ZNF831: variants seen among roughly 807,000 people sequenced by gnomAD.
ZNF831 encodes zinc finger protein 831, also known as chromosome 20 open reading frame 174.
Under a neutral mutation model 95.8 loss-of-function variants are expected in ZNF831, and 59 were observed. That is an observed-to-expected ratio of 0.62 (90% CI 0.50 to 0.77). The LOEUF (loss-of-function observed/expected upper bound fraction) is 0.77, where lower values mean the gene tolerates loss of function less well. ZNF831 is among the 30% of genes least tolerant of loss of function. The probability of loss-of-function intolerance (pLI) is 0.00; values close to 1 mark genes in which losing one functional copy is unlikely to be tolerated. For synonymous variants in ZNF831, 961 were observed against 925.5 expected (o/e 1.04, Z -0.70); for missense variants, 2,205 against 2,164.0 (o/e 1.02, Z -0.38).
rs753778394 is a variant in ZNF831, at chr20:59,191,165, C to T, written c.146C>T (p.Ala49Val). The T allele has an allele frequency of 6.1e-5, 97 of 1,598,856 alleles. No individual in the cohort carries two copies. Among genetic ancestry groups the T allele is most frequent in the Non-Finnish European group, 7.8e-5 (92 of 1,176,476 alleles). ...PVLLPPEQGLAPPTVFLKALP... is the reference protein window; with the variant it reads ...PVLLPPEQGLVPPTVFLKALP... ...CTTCTGCCGCCAGAGCAGGGCCTGG[C>T]CCCCCCCACTGTGTTCCTGAAGGCC... Residue 49 changes from alanine (A) to valine (V), a missense_variant, in exon 2 of 6, where the codon GCC (alanine) becomes GTC (valine). Coordinates refer to ENST00000371030, the MANE Select transcript of ZNF831 (RefSeq NM_178457.3).
intron 2 of ZNF831, among the ~76,000 whole-genome samples, chr20:59,195,565 G>A (rs1037767384): frequency 5.9e-5 from 9 of 152,088 alleles, no homozygotes; most frequent in Non-Finnish European, 1.0e-4. Context: ...GGGGGCTCCC[G>A]GGGAGGTGGA....
intron 2 of ZNF831, 54 bp downstream of exon 2, chr20:59,194,811 C>G (rs554496997): frequency 3.3e-6 from 5 of 1,494,226 alleles, no homozygotes; most frequent in East Asian, 4.7e-5. Flanking sequence ...GTTGTTATCC[C>G]GTAAGACCTC....
chr20:59,217,162 C>CTGTGTGTGTGTG lies in ZNF831; in HGVS notation c.4027+10128_4027+10139dup, dbSNP rs201079519. ...GAGTACATCTGACAGATCTTCATCT[C>CTGTGTGTGTGTG]TGTGTGTGTGTGTGTGTGTGTGTGT... On this transcript the variant is annotated intron_variant, in intron 4 of 5. Transcript: ENST00000371030. The surrounding 1 kb of genome is among the most constrained non-coding windows in gnomAD (Gnocchi z 4.4). 0.037 allele frequency among the ~76,000 whole-genome samples: 5,524 copies of CTGTGTGTGTGTG among 148,696 alleles called. 264 individuals are homozygous for CTGTGTGTGTGTG. The highest frequency in any genetic ancestry group is 0.11 in the African/African-American group (4,280 of 40,234).
upstream of ZNF831, among the ~76,000 whole-genome samples, chr20:59,163,016 TG>T (rs1222748832): frequency 0.015 from 1,309 of 89,450 alleles, 14 homozygotes; most frequent in African/African-American, 0.049. Context: ...TATTCCTAGG[TG>T]TGTGTGTGTG....
At position 59,177,198 on chromosome 20, in the gene ZNF831, G is replaced by A. The variant is rs549891449; in HGVS notation, c.-37+12991G>A. 2.6e-5 allele frequency among the ~76,000 whole-genome samples: 4 copies of A among 152,264 alleles called. No homozygotes were observed. The South Asian group carries it at 6.2e-4, about 24-fold the overall frequency. On this transcript the variant is annotated intron_variant, in intron 1 of 5. Coordinates refer to ENST00000371030, the MANE Select transcript of ZNF831 (RefSeq NM_178457.3). Reference sequence around the variant, plus strand: ...AGTCACAGCAGTAATCAAGACAGGCGTCTTGTCATTTAATTAAGCATGGCA... The same window carrying A: ...AGTCACAGCAGTAATCAAGACAGGCATCTTGTCATTTAATTAAGCATGGCA...
intron 4 of ZNF831, among the ~76,000 whole-genome samples, chr20:59,235,275 C>T (rs943434509): frequency 4.6e-5 from 7 of 152,152 alleles, no homozygotes; most frequent in Non-Finnish European, 7.3e-5. Context: ...TGACCTCGAG[C>T]ACCCGGCCAC....
chr20:59,256,270 GCTT>G lies in ZNF831; in HGVS notation c.*1529_*1531del, dbSNP rs1341528937. The G allele has an allele frequency of 2.6e-5, 4 of 152,318 alleles. No homozygotes were observed. The East Asian group carries it at 7.7e-4, about 29-fold the overall frequency. 9.4% of individuals were successfully genotyped at this position (152,318 alleles called of 1,614,324 possible). ...CATAGAAAACTTCAATGCCAGACCA[GCTT>G]CCCTGGTTACTTAGCATATATTTGT... On this transcript the variant is annotated 3_prime_UTR_variant, in exon 6 of 6. Transcript: ENST00000371030.
intron 4 of ZNF831, among the ~76,000 whole-genome samples, chr20:59,251,153 A>G (rs1211505388): frequency 1.3e-5 from 2 of 152,202 alleles, no homozygotes; most frequent in Non-Finnish European, 2.9e-5. Flanking sequence ...AAAACAATGC[A>G]TTGTACATGA....
intron 1 of ZNF831, among the ~76,000 whole-genome samples, chr20:59,183,770 A>G (rs1446024948): frequency 6.6e-6 from 1 of 152,212 alleles, no homozygotes; most frequent in Non-Finnish European, 1.5e-5. Context: ...GTTTGCAGAA[A>G]AATGAGGAGA....
intron 3 of ZNF831, among the ~76,000 whole-genome samples, chr20:59,200,662 C>T (rs1379518984): frequency 4.6e-5 from 7 of 152,202 alleles, no homozygotes; most frequent in South Asian, 2.1e-4. Flanking sequence ...CCCAGGTAAC[C>T]GCTGATGTGC....
Position 59,169,525 on chromosome 20 carries a change from G to A in ZNF831, c.-37+5318G>A, listed in dbSNP as rs571509542. Among the ~76,000 whole-genome samples, 1 of 152,306 alleles carries A rather than the reference G, an allele frequency of 6.6e-6. No homozygotes were observed. Among genetic ancestry groups the A allele is most frequent in the African/African-American group, 2.4e-5 (1 of 41,576 alleles). Reference sequence around the variant, plus strand: ...TCATGCCTATAATCCCAGCACTTTGGGAGGCTGAGATGGGTGGATCACTTG... The same window carrying A: ...TCATGCCTATAATCCCAGCACTTTGAGAGGCTGAGATGGGTGGATCACTTG... On this transcript the variant is annotated intron_variant, in intron 1 of 5. Coordinates refer to ENST00000371030, the MANE Select transcript of ZNF831 (RefSeq NM_178457.3). The surrounding 1 kb of genome is among the most constrained non-coding windows in gnomAD (Gnocchi z 4.1).
chr20:59,251,064 CA>C (rs1354811306), intron 4 of ZNF831, among the ~76,000 whole-genome samples: 8 of 151,532 alleles, frequency 5.3e-5, no homozygotes, highest in Admixed American at 6.6e-5. Context: ...GTGTTCTTGC[CA>C]AAAAAAGATA....
Position 59,192,166 on chromosome 20 carries a change from C to CCAGGGGTCG in ZNF831, c.1154_1162dup (p.Val385_Gly387dup). The CCAGGGGTCG allele has an allele frequency of 6.4e-7, 1 of 1,562,120 alleles. No individual in the cohort carries two copies. On this transcript the variant is annotated inframe_insertion, in exon 2 of 6. Coordinates refer to ENST00000371030, the MANE Select transcript of ZNF831 (RefSeq NM_178457.3). This position sits in a 1 kb window ranked among gnomAD's most constrained non-coding sequence, Gnocchi z 5.2. ...GGGGGAGGGCGGCCCGGGCCCGGGG[C>CCAGGGGTCG]CAGGGGTCGCAGGGGCCGAGCCCGG...
At chr20:59,160,913 GTGTT>G (rs1244413628), upstream of ZNF831, 2 of 151,522 alleles carry the variant, frequency 1.3e-5, no homozygotes, top group African/African-American at 2.4e-5. Flanking sequence ...AGATATCTTT[GTGTT>G]TGTTTGTTTC....
At position 59,133,888 on chromosome 20, in the gene ZNF831, G is replaced by A. The variant is rs192230561; in HGVS notation, c.-1425+10383G>A. Among the ~76,000 whole-genome samples the A allele has an allele frequency of 3.1e-4, 47 of 152,318 alleles. 1 individual carries two copies. The highest frequency in any genetic ancestry group is 1.0e-3 in the African/African-American group (42 of 41,556). On this transcript the variant is annotated intron_variant, in intron 1 of 7. Transcript: ENST00000637017. Reference sequence around the variant, plus strand: ...TCACTCTCAGGTCCCAGAGAAGAGCGCATCATTGCCATCAAGTGCAGGTCA... The same window carrying A: ...TCACTCTCAGGTCCCAGAGAAGAGCACATCATTGCCATCAAGTGCAGGTCA...
chr20:59,211,049 G>GAAAAAAAAAAA (rs529852271), intron 4 of ZNF831, among the ~76,000 whole-genome samples: 1 of 60,556 alleles, frequency 1.7e-5, no homozygotes, highest in African/African-American at 9.9e-5. Flanking sequence ...CAAAAAAAAA[G>GAAAAAAAAAAA]AAAAAAAAAA....
chr20:59,159,459 A>G (rs945162510), upstream of ZNF831, among the ~76,000 whole-genome samples: 3 of 152,212 alleles, frequency 2.0e-5, no homozygotes, highest in African/African-American at 7.2e-5. Flanking sequence ...AAATAAAAAC[A>G]TCGCTGAGGT....
At chr20:59,145,155 C>A (rs1237224089) in intron 1 of ZNF831, among the ~76,000 whole-genome samples, 4 of 152,214 alleles carry the variant, frequency 2.6e-5, no homozygotes, top group Non-Finnish European at 5.9e-5. Context: ...GGTTAATTCC[C>A]AGCTGATAGT....
At position 59,164,082 on chromosome 20, in the gene ZNF831, T is replaced by G. The variant is rs1304506138; in HGVS notation, c.-162T>G. ...AGAGTGAGAGCACGGGCTCTTGAGC[T>G]CATCTCTTCTCTGTGGGGCCAGCCC... On this transcript the variant is annotated 5_prime_UTR_variant, in exon 1 of 6. Transcript: ENST00000371030. Among the ~76,000 whole-genome samples, 1 of 152,086 alleles carries G rather than the reference T, an allele frequency of 6.6e-6. No individual in the cohort carries two copies. Among genetic ancestry groups the G allele is most frequent in the Admixed American group, 6.6e-5 (1 of 15,264 alleles).
Sources: allele counts gnomAD v4.1 joint callset (sites outside exome capture counted in the v4.1 genomes callset), GRCh38; gene constraint gnomAD v4.1.1; non-coding constraint Gnocchi (gnomAD v3.1); transcripts MANE v1.5; gene names NCBI Gene and HGNC (gene_info 2026-07-23, HGNC 2026-07-21).